UNC79: variants seen among roughly 807,000 people sequenced by gnomAD.
UNC79 encodes protein unc-79 homolog.
A neutral mutation model predicts 283.1 loss-of-function variants in UNC79; 37 were observed. The observed-to-expected ratio is 0.13, with a 90% CI of 0.10 to 0.17. UNC79 has a LOEUF of 0.17. Ranked by LOEUF, UNC79 falls within the 10% of genes least tolerant of loss-of-function variation. The pLI is 1.00. For synonymous variants in UNC79, 1,107 were observed against 1,200.2 expected (o/e 0.92, Z 1.61); for missense variants, 2,272 against 3,211.1 (o/e 0.71, Z 7.07).
intron 33 of UNC79, among the ~76,000 whole-genome samples, chr14:93,642,179 C>A (rs2069099785): frequency 1.3e-5 from 2 of 152,076 alleles, no homozygotes; most frequent in Non-Finnish European, 2.9e-5. Flanking sequence ...AATCCCAGCA[C>A]TTTGGGAGGC....
intron 1 of UNC79, among the ~76,000 whole-genome samples, chr14:93,343,829 T>C (rs2053765719): frequency 2.0e-5 from 3 of 152,234 alleles, no homozygotes; most frequent in African/African-American, 7.2e-5. Flanking sequence ...TCTAATTAAG[T>C]TCTTTTATAT....
chr14:93,477,074 A>G (rs2057844133), intron 3 of UNC79, among the ~76,000 whole-genome samples: 1 of 152,320 alleles, frequency 6.6e-6, no homozygotes, highest in East Asian at 1.9e-4. Context: ...GCACCAGCTT[A>G]CGGCTTCCCT....
At chr14:93,434,094 TC>T (rs2055987133) in intron 1 of UNC79, among the ~76,000 whole-genome samples, 1 of 151,900 alleles carries the variant, frequency 6.6e-6, no homozygotes, top group Middle Eastern at 3.2e-3. Context: ...ATGTCTGTAA[TC>T]CCAGCTACTC....
At chr14:93,369,279 T>A (rs1691240293) in intron 1 of UNC79, among the ~76,000 whole-genome samples, 1 of 152,228 alleles carries the variant, frequency 6.6e-6, no homozygotes, top group South Asian at 2.1e-4. Context: ...CTTCAACATA[T>A]TCCTGGCCCA....
intron 48 of UNC79, among the ~76,000 whole-genome samples, chr14:93,705,233 T>C (rs2075793725): frequency 1.3e-5 from 2 of 151,290 alleles, no homozygotes; most frequent in South Asian, 4.2e-4. Flanking sequence ...TGAGACCCTG[T>C]CTCTATTTTA....
intron 27 of UNC79, among the ~76,000 whole-genome samples, chr14:93,616,472 G>A (rs1379538872): frequency 6.6e-6 from 1 of 150,466 alleles, no homozygotes; most frequent in African/African-American, 2.4e-5. Context: ...AGGCTCAGAG[G>A]ATCCTCCCAG....
At chr14:93,593,891 T>G in intron 23 of UNC79, 54 bp downstream of exon 23, 2 of 1,483,536 alleles carry the variant, frequency 1.3e-6, no homozygotes, top group Non-Finnish European at 1.8e-6. Flanking sequence ...CACGGGTGTC[T>G]GGTCACGGCA....
chr14:93,394,840 T>C (rs1181082727), intron 1 of UNC79, among the ~76,000 whole-genome samples: 1 of 152,198 alleles, frequency 6.6e-6, no homozygotes, highest in Non-Finnish European at 1.5e-5. Flanking sequence ...GTATCCTGAG[T>C]AGCTTGGACT....
chr14:93,637,843 A>G (rs1343729167), intron 32 of UNC79, among the ~76,000 whole-genome samples: 2 of 152,156 alleles, frequency 1.3e-5, no homozygotes, highest in East Asian at 1.9e-4. Context: ...CTCCTCAGAC[A>G]TATCAGTTTT....
chr14:93,409,140 A>G (rs1489310736), intron 1 of UNC79, among the ~76,000 whole-genome samples: 1 of 152,206 alleles, frequency 6.6e-6, no homozygotes, highest in Admixed American at 6.5e-5. Flanking sequence ...CATTATTTGT[A>G]GATGCTAAGT....
At chr14:93,380,244 G>T (rs186856004) in intron 1 of UNC79, among the ~76,000 whole-genome samples, 11 of 152,280 alleles carry the variant, frequency 7.2e-5, no homozygotes, top group Admixed American at 7.2e-4. Flanking sequence ...TCCAAAGTCA[G>T]AGTAAACATT....
rs189445506 is a variant in UNC79, at chr14:93,468,303, G to A, written c.143+512G>A. Among the ~76,000 whole-genome samples the A allele has an allele frequency of 5.2e-4, 79 of 152,220 alleles. No homozygotes were observed. In the East Asian group the frequency reaches 0.013, roughly 25 times the overall value. Reference sequence around the variant, plus strand: ...CTATGAAGGACAAGGAAAAAAAATAGGGCTCTTTTTCTTTTGTCTACTTTT... The same window carrying A: ...CTATGAAGGACAAGGAAAAAAAATAAGGCTCTTTTTCTTTTGTCTACTTTT... On this transcript the variant is annotated intron_variant, in intron 2 of 48. Transcript: ENST00000555664.
At chr14:93,477,447 G>T in intron 3 of UNC79, 111 bp from the exon 4 acceptor site, 2 of 796,476 alleles carry the variant, frequency 2.5e-6, no homozygotes, top group Non-Finnish European at 3.8e-6. Flanking sequence ...TAGAGATGGA[G>T]CACTAGTTGC....
At chr14:93,607,061 TG>T (rs1205970150) in intron 26 of UNC79, among the ~76,000 whole-genome samples, 1 of 152,198 alleles carries the variant, frequency 6.6e-6, no homozygotes, top group East Asian at 1.9e-4. Flanking sequence ...TCCTAATTGA[TG>T]GGATACACAA....
intron 7 of UNC79, among the ~76,000 whole-genome samples, chr14:93,523,459 G>T (rs2060415026): frequency 6.6e-6 from 1 of 152,056 alleles, no homozygotes; most frequent in Non-Finnish European, 1.5e-5. Flanking sequence ...CATTTCAGTT[G>T]TTATCAATTT....
At chr14:93,552,544 A>G (rs1421871875) in intron 14 of UNC79, among the ~76,000 whole-genome samples, 2 of 152,216 alleles carry the variant, frequency 1.3e-5, no homozygotes, top group Non-Finnish European at 2.9e-5. Context: ...AGAACCTACA[A>G]CAGGTATATT....
At chr14:93,631,166 G>T (rs2068003298) in intron 31 of UNC79, among the ~76,000 whole-genome samples, 1 of 152,086 alleles carries the variant, frequency 6.6e-6, no homozygotes, top group African/African-American at 2.4e-5. Context: ...AATGATCACT[G>T]AATTCCATTA....
intron 22 of UNC79, among the ~76,000 whole-genome samples, chr14:93,591,302 G>A (rs2064660155): frequency 6.6e-6 from 1 of 152,126 alleles, no homozygotes; most frequent in African/African-American, 2.4e-5. Flanking sequence ...ACAAATACAG[G>A]TGATCCTTGA....
intron 10 of UNC79, among the ~76,000 whole-genome samples, chr14:93,530,864 G>A (rs1486079901): frequency 4.6e-5 from 7 of 150,910 alleles, no homozygotes; most frequent in South Asian, 2.1e-4. Context: ...AGCCGAGATC[G>A]CCCCACTGCA....
Sources: allele counts gnomAD v4.1 joint callset (sites outside exome capture counted in the v4.1 genomes callset), GRCh38; gene constraint gnomAD v4.1.1; transcripts MANE v1.5; gene names NCBI Gene and HGNC (gene_info 2026-07-23, HGNC 2026-07-21).